Variants in AGBL4 observed in about 807,000 individuals in gnomAD.
AGBL4 encodes the protein cytosolic carboxypeptidase 6.
A neutral mutation model predicts 66.4 loss-of-function variants in AGBL4; 58 were observed. The observed-to-expected ratio is 0.87, with a 90% CI of 0.71 to 1.09. The LOEUF (loss-of-function observed/expected upper bound fraction) is 1.09, where lower values mean the gene tolerates loss of function less well. Ranked by LOEUF, AGBL4 falls within the 50% of genes least tolerant of loss-of-function variation. The probability of loss-of-function intolerance (pLI) is 0.00; values close to 1 mark genes in which losing one functional copy is unlikely to be tolerated. For synonymous variants in AGBL4, 234 were observed against 222.9 expected (o/e 1.05, Z -0.44); for missense variants, 579 against 631.0 (o/e 0.92, Z 0.88).
intron 2 of AGBL4, among the ~76,000 whole-genome samples, chr1:49,786,349 G>A (rs371576540): frequency 3.3e-5 from 5 of 152,160 alleles, no homozygotes; most frequent in African/African-American, 1.2e-4. Context: ...GCACCTTAAA[G>A]TAAGAAATAT....
intron 3 of AGBL4, among the ~76,000 whole-genome samples, chr1:49,518,202 T>C (rs1322566766): frequency 6.6e-6 from 1 of 152,068 alleles, no homozygotes; most frequent in Non-Finnish European, 1.5e-5. Flanking sequence ...GTTACATTCA[T>C]TCAGTCTGGA....
chr1:49,470,248 G>A (rs1381435748), intron 3 of AGBL4, among the ~76,000 whole-genome samples: 1 of 151,856 alleles, frequency 6.6e-6, no homozygotes, highest in Non-Finnish European at 1.5e-5. Flanking sequence ...TATATCAAAT[G>A]TATACTATAG....
chr1:49,202,782 A>G (rs923229817), intron 4 of AGBL4, among the ~76,000 whole-genome samples: 1 of 152,004 alleles, frequency 6.6e-6, no homozygotes, highest in South Asian at 2.1e-4. Context: ...GATTAAAACT[A>G]TTACACAGCA....
chr1:49,586,680 A>T (rs1170956569), intron 3 of AGBL4, among the ~76,000 whole-genome samples: 1 of 137,490 alleles, frequency 7.3e-6, no homozygotes, highest in Non-Finnish European at 1.7e-5. Flanking sequence ...ATGAATGAAT[A>T]CATTAATGTT....
intron 6 of AGBL4, among the ~76,000 whole-genome samples, chr1:48,822,277 C>T (rs1646332857): frequency 6.6e-6 from 1 of 152,068 alleles, no homozygotes; most frequent in Non-Finnish European, 1.5e-5. Context: ...AAACTGAAAA[C>T]AATTCAAATA....
chr1:49,471,172 C>T (rs574620013), intron 3 of AGBL4, among the ~76,000 whole-genome samples: 1 of 151,904 alleles, frequency 6.6e-6, no homozygotes, highest in Admixed American at 6.6e-5. Flanking sequence ...GAAAAACTTT[C>T]TAGTCAACAG....
At chr1:49,141,485 C>A (rs1371873078) in intron 4 of AGBL4, among the ~76,000 whole-genome samples, 1 of 152,098 alleles carries the variant, frequency 6.6e-6, no homozygotes. Flanking sequence ...CTTATCCTTG[C>A]AGAACTTGAG....
At position 48,579,984 on chromosome 1, in the gene AGBL4, A is replaced by G. The variant is rs1644715126; in HGVS notation, c.1267+7020T>C. Among the ~76,000 whole-genome samples the G allele has an allele frequency of 2.6e-5, 4 of 151,744 alleles. No individual in the cohort carries two copies. The South Asian group carries it at 8.3e-4, about 32-fold the overall frequency. ...AGATATTGGAACATGTTAAAATGGG[A>G]CTTCTAAAATTGTAGTTTCGACTGA... is the stretch of plus-strand genomic sequence containing the variant. On this transcript the variant is annotated intron_variant, in intron 11 of 13. Coordinates refer to ENST00000371839, the MANE Select transcript of AGBL4 (RefSeq NM_032785.4).
At chr1:49,014,817 G>A (rs898285728) in intron 5 of AGBL4, among the ~76,000 whole-genome samples, 6 of 152,138 alleles carry the variant, frequency 3.9e-5, no homozygotes, top group African/African-American at 1.4e-4. Context: ...CCCAAATAAG[G>A]ACACTTCTGA....
chr1:48,660,158 G>T (rs1220543870), intron 7 of AGBL4, among the ~76,000 whole-genome samples: 3 of 152,218 alleles, frequency 2.0e-5, no homozygotes, highest in African/African-American at 7.2e-5. Context: ...GTCATGGGCA[G>T]GGTTTGGAGT....
At chr1:49,811,719 T>G (rs1645107067) in intron 2 of AGBL4, among the ~76,000 whole-genome samples, 1 of 152,116 alleles carries the variant, frequency 6.6e-6, no homozygotes, top group Non-Finnish European at 1.5e-5. Context: ...CCTCCCAAAG[T>G]GCTGGGATTA....
intron 1 of AGBL4, among the ~76,000 whole-genome samples, chr1:49,948,281 T>C (rs1236547890): frequency 9.6e-6 from 1 of 104,488 alleles, no homozygotes; most frequent in African/African-American, 4.4e-5. Flanking sequence ...CATATAAATA[T>C]ATATAAATAT....
At chr1:49,035,890 T>C (rs1446180479) in intron 5 of AGBL4, among the ~76,000 whole-genome samples, 2 of 152,194 alleles carry the variant, frequency 1.3e-5, no homozygotes, top group Non-Finnish European at 1.5e-5. Flanking sequence ...ATGCATGTTG[T>C]CACTTACAAA....
chr1:49,928,428 T>G (rs931451158), intron 1 of AGBL4, among the ~76,000 whole-genome samples: 1 of 151,898 alleles, frequency 6.6e-6, no homozygotes, highest in Non-Finnish European at 1.5e-5. Flanking sequence ...TTTTTGTATT[T>G]TTAGTATAGA....
intron 3 of AGBL4, among the ~76,000 whole-genome samples, chr1:49,621,109 T>C (rs541289478): frequency 2.0e-5 from 3 of 152,330 alleles, no homozygotes; most frequent in African/African-American, 7.2e-5. Context: ...ATTTTTTCAC[T>C]TCTTTTATCT....
At chr1:48,640,541 T>G (rs1213012240) in intron 8 of AGBL4, among the ~76,000 whole-genome samples, 1 of 152,210 alleles carries the variant, frequency 6.6e-6, no homozygotes, top group Admixed American at 6.5e-5. Context: ...TTCACAATAA[T>G]CAAATGAGAT....
chr1:49,423,801 G>T (rs1243656292), intron 3 of AGBL4, among the ~76,000 whole-genome samples: 1 of 78,718 alleles, frequency 1.3e-5, no homozygotes, highest in Non-Finnish European at 2.2e-5. Flanking sequence ...GACAGAGTAA[G>T]ACTCGGCCAA....
At chr1:49,173,841 G>A (rs896158046) in intron 4 of AGBL4, among the ~76,000 whole-genome samples, 13 of 152,064 alleles carry the variant, frequency 8.5e-5, no homozygotes, top group African/African-American at 3.1e-4. Flanking sequence ...AAAGACCAAG[G>A]CGTAGTTAAG....
chr1:49,948,351 T>C (rs1164798992), intron 1 of AGBL4, among the ~76,000 whole-genome samples: 4 of 110,508 alleles, frequency 3.6e-5, no homozygotes, highest in African/African-American at 1.5e-4. Flanking sequence ...TATAAATATA[T>C]ATAAATATAT....
Sources: allele counts gnomAD v4.1 joint callset (sites outside exome capture counted in the v4.1 genomes callset), GRCh38; gene constraint gnomAD v4.1.1; transcripts MANE v1.5; gene names NCBI Gene and HGNC (gene_info 2026-07-23, HGNC 2026-07-21).